AMZ1: variants seen among roughly 807,000 people sequenced by gnomAD.
AMZ1 encodes archaelysin family metallopeptidase 1, also known as archaemetzincin-1.
AMZ1 carries 39 observed loss-of-function variants against 29.9 expected under a neutral mutation model. That is an observed-to-expected ratio of 1.30 (90% confidence interval 1.01 to 1.70). AMZ1 has a LOEUF of 1.70. Ranked by LOEUF, AMZ1 falls within the 40% of genes most tolerant of loss-of-function variation. The pLI, the probability that AMZ1 is intolerant of heterozygous loss-of-function variation, is 0.00. For missense variants in AMZ1, 1,041 were observed against 680.6 expected (o/e 1.53, Z -5.89); for synonymous variants, 458 against 304.0 (o/e 1.51, Z -5.27).
chr7:2,759,188 TAAAA>T (rs1791444309), intron 4 of AMZ1, among the ~76,000 whole-genome samples: 1 of 144,520 alleles, frequency 6.9e-6, no homozygotes. Flanking sequence ...AATAAATAAA[TAAAA>T]TAAAAATAAA....
chr7:2,721,141 T>C (rs766851183), downstream of AMZ1, among the ~76,000 whole-genome samples: 6 of 152,194 alleles, frequency 3.9e-5, no homozygotes, highest in African/African-American at 1.4e-4. Flanking sequence ...GGGAGGTTCC[T>C]GCCAATGCCG....
upstream of AMZ1, chr7:2,763,046 T>TCCTC (rs1304001350): frequency 8.8e-6 from 11 of 1,248,804 alleles, no homozygotes; most frequent in Non-Finnish European, 9.0e-6. Flanking sequence ...AGCGTGCCGT[T>TCCTC]CCTCCAGGAC....
chr7:2,692,214 C>A (rs894144042), intron 1 of AMZ1, among the ~76,000 whole-genome samples: 4 of 152,184 alleles, frequency 2.6e-5, no homozygotes, highest in Non-Finnish European at 5.9e-5. Flanking sequence ...GGACCACACC[C>A]ATCTCACAGG....
intron 1 of AMZ1, among the ~76,000 whole-genome samples, chr7:2,695,181 T>C (rs1583149370): frequency 1.3e-5 from 2 of 152,348 alleles, no homozygotes; most frequent in East Asian, 3.9e-4. Flanking sequence ...GATCTGGTCC[T>C]GTCCATCGTC....
chr7:2,754,418 C>T (rs563248706), intron 4 of AMZ1, among the ~76,000 whole-genome samples: 1 of 152,156 alleles, frequency 6.6e-6, no homozygotes, highest in East Asian at 1.9e-4. Flanking sequence ...ACTTTTCTCC[C>T]AGTCTGTAGC....
At chr7:2,720,850 T>C (rs1383044403), downstream of AMZ1, among the ~76,000 whole-genome samples, 4 of 152,096 alleles carry the variant, frequency 2.6e-5, no homozygotes, top group Non-Finnish European at 4.4e-5. Flanking sequence ...AACTAAAAAC[T>C]TGTTTTTGGT....
intron 3 of AMZ1, among the ~76,000 whole-genome samples, chr7:2,704,553 T>G (rs1205333905): frequency 2.0e-5 from 3 of 150,990 alleles, no homozygotes; most frequent in Non-Finnish European, 4.4e-5. Flanking sequence ...TTCTACAGTT[T>G]CCAGTGGATT....
At chr7:2,705,864 C>G (rs1788322564) in intron 3 of AMZ1, among the ~76,000 whole-genome samples, 1 of 152,244 alleles carries the variant, frequency 6.6e-6, no homozygotes, top group African/African-American at 2.4e-5. Context: ...CCGTGCCTCT[C>G]AGGCTTGGCC....
intron 4 of AMZ1, among the ~76,000 whole-genome samples, chr7:2,725,711 C>T (rs1351681569): frequency 1.3e-5 from 2 of 152,240 alleles, no homozygotes; most frequent in African/African-American, 2.4e-5. Context: ...TCTCCCTGGT[C>T]GCCTGTCAGC....
chr7:2,748,389 G>A (rs1344141360), intron 4 of AMZ1, among the ~76,000 whole-genome samples: 2 of 152,178 alleles, frequency 1.3e-5, no homozygotes, highest in African/African-American at 4.8e-5. Flanking sequence ...TGACAAACCT[G>A]ACAGAAACAA....
downstream of AMZ1, among the ~76,000 whole-genome samples, chr7:2,724,532 C>G (rs1789547263): frequency 6.6e-6 from 1 of 152,206 alleles, no homozygotes; most frequent in African/African-American, 2.4e-5. Context: ...CTCTGTGCCT[C>G]TCTGCACCCT....
chr7:2,702,598 C>T (rs186729062), intron 2 of AMZ1, 124 bp from the exon 3 acceptor site: 3 of 1,104,638 alleles, frequency 2.7e-6, no homozygotes, highest in South Asian at 1.7e-5. Context: ...GCTCTGCTTG[C>T]TGTCAGGGTA....
At position 2,717,490 on chromosome 7, in the gene AMZ1, C is replaced by A. The variant is rs780237584; in HGVS notation, c.*4612C>A. On this transcript the variant is annotated 3_prime_UTR_variant, in exon 7 of 7. Coordinates refer to ENST00000683327, the MANE Select transcript of AMZ1 (RefSeq NM_001384743.1). ...AGGGCTCTCTGGAGCTCACCCCGCA[C>A]GCAGGCTGCTCCAGAGCTGAAATCT... Among the ~76,000 whole-genome samples, 18 of 152,220 alleles carry A rather than the reference C, an allele frequency of 1.2e-4. No homozygotes were observed. Among genetic ancestry groups the A allele is most frequent in the Non-Finnish European group, 2.5e-4 (17 of 68,044 alleles).
chr7:2,692,985 G>A (rs551520620), intron 1 of AMZ1, among the ~76,000 whole-genome samples: 8 of 152,144 alleles, frequency 5.3e-5, no homozygotes, highest in East Asian at 1.9e-4. Flanking sequence ...CCTCCTCCCC[G>A]CTGCCTCCTT....
Position 2,709,723 on chromosome 7 carries a change from G to A in AMZ1, c.855G>A (p.Leu285=). 1 of 1,611,362 alleles carries A rather than the reference G, an allele frequency of 6.2e-7. No homozygotes were observed. The highest frequency in any genetic ancestry group is 8.5e-7 in the Non-Finnish European group (1 of 1,179,862). The stretch of plus-strand genomic sequence containing the variant: ...GCCTCATGCAGGGTGCGCTCAGCCT[G>A]GACGAGGCCCTGCGGCGGCCCCTGG... The part of the protein sequence containing the change: ...LRCLMQGALS[L]DEALRRPLDL... The change falls in exon 6 of 7, where the codon CTG becomes CTA. Residue 285 remains leucine, a synonymous_variant. Transcript: ENST00000683327.
chr7:2,760,770 T>C (rs535285986), upstream of AMZ1, among the ~76,000 whole-genome samples: 15 of 152,360 alleles, frequency 9.8e-5, no homozygotes, highest in African/African-American at 3.1e-4. Flanking sequence ...AGGGACAGCG[T>C]CGAGCTCCCT....
chr7:2,687,206 A>G (rs923683986), upstream of AMZ1, among the ~76,000 whole-genome samples: 1 of 152,098 alleles, frequency 6.6e-6, no homozygotes, highest in African/African-American at 2.4e-5. Context: ...GGGTACCTAT[A>G]ATCCCCACTA....
intron 3 of AMZ1, among the ~76,000 whole-genome samples, chr7:2,706,873 T>C (rs1788383447): frequency 6.6e-6 from 1 of 152,212 alleles, no homozygotes; most frequent in African/African-American, 2.4e-5. Context: ...ATTACCCAGC[T>C]GCTCAGGAGG....
At chr7:2,743,012 G>A (rs1010315862) in intron 4 of AMZ1, among the ~76,000 whole-genome samples, 1 of 152,202 alleles carries the variant, frequency 6.6e-6, no homozygotes, top group African/African-American at 2.4e-5. Context: ...ACAACATTCA[G>A]ACAGAAAGCC....
Sources: gnomAD v4.1 joint callset for allele counts (sites outside exome capture counted in the v4.1 genomes callset) on GRCh38, gnomAD v4.1.1 for gene constraint, MANE v1.5 for transcripts, NCBI Gene and HGNC (gene_info 2026-07-23, HGNC 2026-07-21) for gene names.